Variants in MATN2 observed in about 807,000 individuals in gnomAD.
MATN2 encodes the protein matrilin 2.
A neutral mutation model predicts 103.2 loss-of-function variants in MATN2; 69 were observed. The ratio of observed to expected loss-of-function variants is 0.67; its 90% CI spans 0.55 to 0.82. MATN2 has a LOEUF of 0.82. Among genes scored for constraint, MATN2 ranks in the 40% least tolerant of loss-of-function variants. The pLI is 0.00. For missense variants in MATN2, 1,023 were observed against 1,211.5 expected, an observed-to-expected ratio of 0.84 and a Z score of 2.31; for synonymous variants, 429 against 450.2, an observed-to-expected ratio of 0.95 and a Z score of 0.60.
chr8:97,917,051 G>A (rs180688616), intron 2 of MATN2, among the ~76,000 whole-genome samples: 72 of 152,182 alleles, frequency 4.7e-4, no homozygotes, highest in Admixed American at 4.4e-3. Flanking sequence ...ACTGAAATTT[G>A]AGCTGGTGTG....
At chr8:97,929,175 C>T (rs1304211767) in intron 2 of MATN2, among the ~76,000 whole-genome samples, 3 of 152,098 alleles carry the variant, frequency 2.0e-5, no homozygotes, top group East Asian at 1.9e-4. Context: ...ACTTGTGAGG[C>T]GGCAAGGATG....
At chr8:97,970,458 A>C (rs1811619999) in intron 5 of MATN2, among the ~76,000 whole-genome samples, 2 of 152,170 alleles carry the variant, frequency 1.3e-5, no homozygotes, top group African/African-American at 4.8e-5. Context: ...CAGTTTCAAC[A>C]CTTTCATAGC....
At chr8:97,995,348 C>T (rs749204122) in intron 7 of MATN2, among the ~76,000 whole-genome samples, 1 of 152,298 alleles carries the variant, frequency 6.6e-6, no homozygotes, top group African/African-American at 2.4e-5. Flanking sequence ...GTAAGTGAAT[C>T]TTTCTATGAT....
At chr8:97,902,772 C>G (rs998941598) in intron 2 of MATN2, among the ~76,000 whole-genome samples, 1 of 152,186 alleles carries the variant, frequency 6.6e-6, no homozygotes, top group African/African-American at 2.4e-5. Context: ...TCCAACTTCT[C>G]AGAAGTGCCA....
chr8:97,971,457 C>T (rs1384594781), intron 5 of MATN2, among the ~76,000 whole-genome samples: 4 of 152,156 alleles, frequency 2.6e-5, no homozygotes, highest in Non-Finnish European at 5.9e-5. Flanking sequence ...CAGCTCATTT[C>T]ACCATTGAGA....
chr8:98,014,770 C>T (rs996684874), intron 10 of MATN2, among the ~76,000 whole-genome samples: 2 of 152,144 alleles, frequency 1.3e-5, no homozygotes, highest in African/African-American at 4.8e-5. Flanking sequence ...CTTAACTAAC[C>T]CAAAGGTGGT....
rs2129903978 is a variant in MATN2 at position 97,869,182 on chromosome 8, AG to A, written c.-131del. On this transcript the variant is annotated 5_prime_UTR_variant, in exon 1 of 19. Transcript: ENST00000254898. ...TGGGGCTCCGTCCTCGCCTCCCACG[AG>A]CGATCCCCGAGGAGAGCCGCGGCCC... The A allele has an allele frequency of 6.6e-6, 1 of 152,204 alleles. No homozygotes were observed. Among genetic ancestry groups the A allele is most frequent in the African/African-American group, 2.4e-5 (1 of 41,500 alleles). 9.4% of individuals were successfully genotyped at this position (152,204 alleles called of 1,614,324 possible).
intron 10 of MATN2, among the ~76,000 whole-genome samples, chr8:98,008,106 A>G (rs1813035051): frequency 6.6e-6 from 1 of 152,160 alleles, no homozygotes; most frequent in African/African-American, 2.4e-5. Flanking sequence ...CTGGGAGAAG[A>G]GGATGCTCCT....
At chr8:97,899,943 G>A (rs1818927399) in intron 2 of MATN2, among the ~76,000 whole-genome samples, 1 of 152,182 alleles carries the variant, frequency 6.6e-6, no homozygotes. Flanking sequence ...TGAGCAGTGG[G>A]TCACTTATTA....
intron 1 of MATN2, among the ~76,000 whole-genome samples, chr8:97,870,523 GAA>G (rs61300419): frequency 6.8e-6 from 1 of 146,664 alleles, no homozygotes; most frequent in East Asian, 2.0e-4. Flanking sequence ...CGTCTCAAAA[GAA>G]AAAAAAAAAG....
intron 12 of MATN2, among the ~76,000 whole-genome samples, chr8:98,020,540 C>CAAGT (rs547221298): frequency 5.3e-4 from 80 of 152,340 alleles, no homozygotes; most frequent in Admixed American, 1.8e-3. Flanking sequence ...ACACAAGGTA[C>CAAGT]AACTTCTACC....
rs1002894554 is a variant in MATN2 at position 98,007,975 on chromosome 8, T to C, written c.1573+374T>C. ...TGCTGGGCACTGTGCTAAGCACACA[T>C]GCTGTTGCATTCAGGGGACAGATGA... On this transcript the variant is annotated intron_variant, in intron 10 of 18. Coordinates refer to ENST00000254898, the MANE Select transcript of MATN2 (RefSeq NM_002380.5). The surrounding 1 kb of genome is among the most constrained non-coding windows in gnomAD (Gnocchi z 4.2). Among the ~76,000 whole-genome samples the C allele has an allele frequency of 1.3e-5, 2 of 152,178 alleles. No individual in the cohort carries two copies. Among genetic ancestry groups the C allele is most frequent in the Non-Finnish European group, 2.9e-5 (2 of 68,032 alleles).
intron 1 of MATN2, among the ~76,000 whole-genome samples, chr8:97,874,386 T>TTCC (rs1817994292): frequency 1.0e-5 from 1 of 96,728 alleles, no homozygotes; most frequent in Non-Finnish European, 2.4e-5. Context: ...CTCTTCTGCC[T>TTCC]TCCTCTTCTT....
At chr8:97,884,031 G>C (rs1743395854) in intron 1 of MATN2, among the ~76,000 whole-genome samples, 1 of 152,032 alleles carries the variant, frequency 6.6e-6, no homozygotes, top group Non-Finnish European at 1.5e-5. Context: ...TTATGGGTTT[G>C]TATGTCATTA....
chr8:97,903,577 C>T (rs368798379), intron 2 of MATN2, among the ~76,000 whole-genome samples: 42 of 152,222 alleles, frequency 2.8e-4, no homozygotes, highest in African/African-American at 1.0e-3. Flanking sequence ...GACTCTGCCT[C>T]TCCTGGTCTT....
At chr8:97,959,570 T>C (rs756977858) in intron 4 of MATN2, among the ~76,000 whole-genome samples, 6 of 152,226 alleles carry the variant, frequency 3.9e-5, no homozygotes, top group Non-Finnish European at 5.9e-5. Context: ...AAATGTGAGA[T>C]ATAAACTTAC....
chr8:98,009,059 A>G (rs904563796), intron 10 of MATN2, among the ~76,000 whole-genome samples: 4 of 152,232 alleles, frequency 2.6e-5, no homozygotes, highest in Non-Finnish European at 5.9e-5. Flanking sequence ...AACCATCTAC[A>G]TGAGTAAATG....
intron 2 of MATN2, among the ~76,000 whole-genome samples, chr8:97,912,925 C>T (rs986426395): frequency 3.9e-5 from 6 of 152,120 alleles, no homozygotes; most frequent in East Asian, 1.9e-4. Flanking sequence ...AGATTTAACA[C>T]GGGGAATTCG....
In MATN2 at chr8:98,030,567, G is replaced by A; in HGVS notation, c.2462G>A (p.Ser821Asn). Residue 821 changes from serine to asparagine, a missense_variant, in exon 15 of 19, where the codon AGC becomes AAC. Coordinates refer to ENST00000254898, the MANE Select transcript of MATN2 (RefSeq NM_002380.5). ...NKHLFYAEDF[S>N]TMDEISEKLK... ...CATCTCTTCTATGCCGAAGACTTCA[G>A]CACAATGGATGAGATAAGTGAAAAA... 1 of 1,613,988 alleles carries A rather than the reference G, an allele frequency of 6.2e-7. No homozygotes were observed. Among genetic ancestry groups the A allele is most frequent in the Non-Finnish European group, 8.5e-7 (1 of 1,179,888 alleles).
Sources: gnomAD v4.1 joint callset for allele counts (sites outside exome capture counted in the v4.1 genomes callset) on GRCh38, gnomAD v4.1.1 for gene constraint, Gnocchi (gnomAD v3.1) non-coding constraint, MANE v1.5 for transcripts, NCBI Gene and HGNC (gene_info 2026-07-23, HGNC 2026-07-21) for gene names.